Variants in RBFOX1 observed in about 807,000 individuals in gnomAD.
The protein encoded by RBFOX1 is RNA binding fox-1 homolog 1.
A neutral mutation model predicts 57.7 loss-of-function variants in RBFOX1; 8 were observed. That is an observed-to-expected ratio of 0.14 (90% CI 0.08 to 0.25). RBFOX1 has a LOEUF of 0.25. Ranked by LOEUF, RBFOX1 falls within the 10% of genes least tolerant of loss-of-function variation. RBFOX1 has a pLI of 1.00. For missense variants in RBFOX1, 611 were observed against 548.5 expected, an observed-to-expected ratio of 1.11 and a Z score of -1.14; for synonymous variants, 326 against 222.4, an observed-to-expected ratio of 1.47 and a Z score of -4.15.
intron 2 of RBFOX1, among the ~76,000 whole-genome samples, chr16:5,517,321 G>C (rs1276696044): frequency 1.3e-5 from 2 of 151,862 alleles, no homozygotes; most frequent in Non-Finnish European, 2.9e-5. Context: ...TGCCATCCCT[G>C]TTTTTCTGCT....
intron 3 of RBFOX1, among the ~76,000 whole-genome samples, chr16:5,734,443 G>C (rs1003979353): frequency 6.6e-6 from 1 of 152,098 alleles, no homozygotes; most frequent in South Asian, 2.1e-4. Context: ...AAAATAAAAA[G>C]AAAGAAAGAA....
chr16:7,165,413 A>AATAATAATAATAATG (rs1249375460), intron 4 of RBFOX1, among the ~76,000 whole-genome samples: 3 of 141,218 alleles, frequency 2.1e-5, no homozygotes, highest in African/African-American at 8.0e-5. Context: ...TAATAATGAT[A>AATAATAATAATAATG]ATAATCATTA....
At chr16:6,810,393 A>G (rs1209828021) in intron 3 of RBFOX1, among the ~76,000 whole-genome samples, 1 of 152,130 alleles carries the variant, frequency 6.6e-6, no homozygotes, top group Non-Finnish European at 1.5e-5. Flanking sequence ...AGGCACATAA[A>G]CTAAGCGTGG....
At chr16:6,855,762 G>C (rs1278106715) in intron 3 of RBFOX1, among the ~76,000 whole-genome samples, 1 of 151,394 alleles carries the variant, frequency 6.6e-6, no homozygotes, top group Non-Finnish European at 1.5e-5. Context: ...GCCCTTGGAA[G>C]TTTTATCCTC....
At chr16:5,942,397 G>T (rs764300361) in intron 4 of RBFOX1, among the ~76,000 whole-genome samples, 1 of 152,166 alleles carries the variant, frequency 6.6e-6, no homozygotes, top group African/African-American at 2.4e-5. Flanking sequence ...CATGAGTCAC[G>T]GGTCTGAGTG....
At chr16:5,307,309 C>A (rs1313345521) in intron 1 of RBFOX1, among the ~76,000 whole-genome samples, 1 of 152,184 alleles carries the variant, frequency 6.6e-6, no homozygotes, top group Non-Finnish European at 1.5e-5. Context: ...GGTTTTACTT[C>A]TCTTGAATCT....
intron 4 of RBFOX1, among the ~76,000 whole-genome samples, chr16:7,194,265 C>T (rs7184082): frequency 0.072 from 10,910 of 152,270 alleles, 554 homozygotes; most frequent in Non-Finnish European, 0.11. Context: ...CTTGTGATTG[C>T]ACTGTATTTA....
intron 4 of RBFOX1, among the ~76,000 whole-genome samples, chr16:7,073,726 G>A (rs538072552): frequency 2.0e-4 from 30 of 152,106 alleles, no homozygotes; most frequent in African/African-American, 7.0e-4. Flanking sequence ...ACACAGGAAC[G>A]GTGGCACATG....
At chr16:7,606,707 A>G (rs1165550279) in intron 9 of RBFOX1, among the ~76,000 whole-genome samples, 2 of 152,208 alleles carry the variant, frequency 1.3e-5, no homozygotes, top group African/African-American at 4.8e-5. Flanking sequence ...GATATCATAC[A>G]TTGATTAAGA....
intron 3 of RBFOX1, among the ~76,000 whole-genome samples, chr16:6,877,607 C>A (rs191450753): frequency 2.6e-5 from 4 of 152,152 alleles, no homozygotes; most frequent in African/African-American, 9.7e-5. Context: ...CGTGTCTTTG[C>A]ATTTGCATAT....
At chr16:6,980,579 C>T (rs1233665727) in intron 3 of RBFOX1, among the ~76,000 whole-genome samples, 1 of 152,118 alleles carries the variant, frequency 6.6e-6, no homozygotes, top group African/African-American at 2.4e-5. Flanking sequence ...TATTGAAAAA[C>T]AGCTTTAATA....
chr16:5,650,955 C>T (rs2049215544), intron 3 of RBFOX1, among the ~76,000 whole-genome samples: 1 of 146,386 alleles, frequency 6.8e-6, no homozygotes, highest in Non-Finnish European at 1.5e-5. Flanking sequence ...TCATTTCTCT[C>T]TTTTCTTTCC....
At chr16:5,727,353 A>T (rs2052190126) in intron 3 of RBFOX1, among the ~76,000 whole-genome samples, 2 of 152,212 alleles carry the variant, frequency 1.3e-5, no homozygotes, top group African/African-American at 4.8e-5. Flanking sequence ...AGCTTTATTG[A>T]GCATTTAATG....
chr16:5,478,335 T>A (rs893595973), intron 2 of RBFOX1, among the ~76,000 whole-genome samples: 1 of 152,034 alleles, frequency 6.6e-6, no homozygotes, highest in African/African-American at 2.4e-5. Context: ...GCATGGGGAT[T>A]TGTGCTTCTG....
At chr16:6,349,918 C>T (rs2085998684) in intron 2 of RBFOX1, among the ~76,000 whole-genome samples, 1 of 152,034 alleles carries the variant, frequency 6.6e-6, no homozygotes, top group Non-Finnish European at 1.5e-5. Context: ...CAGGGGATGC[C>T]ATGGGGGGCA....
intron 1 of RBFOX1, among the ~76,000 whole-genome samples, chr16:6,182,817 A>G (rs950500016): frequency 1.3e-5 from 2 of 152,216 alleles, no homozygotes; most frequent in African/African-American, 2.4e-5. Flanking sequence ...CTATTTTTAC[A>G]TAATTCTTTT....
At chr16:6,694,932 G>C (rs939157322) in intron 3 of RBFOX1, among the ~76,000 whole-genome samples, 2 of 151,990 alleles carry the variant, frequency 1.3e-5, no homozygotes. Context: ...GTCAGATCTC[G>C]GGGGAAAGGA....
At chr16:6,719,157 G>A (rs1389260801) in intron 3 of RBFOX1, among the ~76,000 whole-genome samples, 1 of 152,142 alleles carries the variant, frequency 6.6e-6, no homozygotes, top group African/African-American at 2.4e-5. Flanking sequence ...ATGAGCCATA[G>A]TGCCTGGCTG....
intron 1 of RBFOX1, among the ~76,000 whole-genome samples, chr16:6,288,447 G>A (rs1016323739): frequency 2.0e-5 from 3 of 152,146 alleles, no homozygotes; most frequent in African/African-American, 7.2e-5. Context: ...CACACTTTGG[G>A]TAGCAAGGAT....
Sources: allele counts gnomAD v4.1 joint callset (sites outside exome capture counted in the v4.1 genomes callset), GRCh38; gene constraint gnomAD v4.1.1; transcripts MANE v1.5; gene names NCBI Gene and HGNC (gene_info 2026-07-23, HGNC 2026-07-21).